Variants in PANK4 observed in about 807,000 individuals in gnomAD.
PANK4 encodes pantothenate kinase 4 (inactive).
A neutral mutation model predicts 87.9 loss-of-function variants in PANK4; 40 were observed. That is an observed-to-expected ratio of 0.46 (90% CI 0.35 to 0.59). The LOEUF is 0.59. Ranked by LOEUF, PANK4 falls within the 20% of genes least tolerant of loss-of-function variation. PANK4 has a pLI of 0.00. For missense variants in PANK4, 926 were observed against 1,072.3 expected (o/e 0.86, Z 1.90); for synonymous variants, 524 against 467.4 (o/e 1.12, Z -1.56).
chr1:2,509,954 G>GC lies in PANK4; in HGVS notation c.2040-25dup. 1 of 1,603,036 alleles carries GC rather than the reference G, an allele frequency of 6.2e-7. No individual in the cohort carries two copies. Among genetic ancestry groups the GC allele is most frequent in the Non-Finnish European group, 8.5e-7 (1 of 1,174,790 alleles). On this transcript the variant is annotated intron_variant, in intron 17 of 18. Coordinates refer to ENST00000378466, the MANE Select transcript of PANK4 (RefSeq NM_018216.4). The surrounding 1 kb of genome is among the most constrained non-coding windows in gnomAD (Gnocchi z 4.9). The stretch of plus-strand genomic sequence containing the variant: ...AGCTGCCAGATACAAGGTGGTCAGT[G>GC]CCCCCAGGAGCTCCCAGTTCAGTGA...
rs142638862 is a variant in PANK4 at position 2,518,190 on chromosome 1, G to T, written c.1192C>A (p.Pro398Thr). ...GLMSASPELG[P>T]AQRARSGTFD... ...GTGCCACTCCGCGCCCGCTGCGCCGGGCCGAGCTCGGGTGATGCACTCATC... is the reference window on the plus strand; with the variant it reads ...GTGCCACTCCGCGCCCGCTGCGCCGTGCCGAGCTCGGGTGATGCACTCATC... The change falls in exon 9 of 19, where the codon CCG becomes ACG. Residue 398 changes from proline (P) to threonine (T), a missense_variant. Physicochemically the swap from Pro to Thr is conservative, Grantham distance 38. Transcript: ENST00000378466. The T allele has an allele frequency of 2.1e-4, 344 of 1,609,590 alleles. No individual in the cohort carries two copies. Among genetic ancestry groups the T allele is most frequent in the Non-Finnish European group, 2.8e-4 (334 of 1,179,344 alleles).
At chr1:2,514,246 A>AC (rs1643717239) in intron 11 of PANK4, 108 bp downstream of exon 11, 1 of 1,120,884 alleles carries the variant, frequency 8.9e-7, no homozygotes, top group African/African-American at 1.5e-5. Context: ...GCCCACACCC[A>AC]CCCCCAGCGA....
Position 2,519,012 on chromosome 1 carries a change from G to T in PANK4, c.1035+131C>A. On this transcript the variant is annotated intron_variant, in intron 7 of 18. Transcript: ENST00000378466. This position sits in a 1 kb window ranked among gnomAD's most constrained non-coding sequence, Gnocchi z 8.3. ...GCTGCCCAGAATCAGTCAGAAGGGAGGGGTGCTGGGCTTCTTGGCCCCCAC... is the reference window on the plus strand; with the variant it reads ...GCTGCCCAGAATCAGTCAGAAGGGATGGGTGCTGGGCTTCTTGGCCCCCAC... 1.2e-6 allele frequency: 1 copy of T among 812,288 alleles called. No individual in the cohort carries two copies. The highest frequency in any genetic ancestry group is 2.0e-6 in the Non-Finnish European group (1 of 505,128). 50.3% of individuals were successfully genotyped at this position (812,288 alleles called of 1,614,324 possible).
chr1:2,514,302 G>A (rs1395766187), intron 11 of PANK4, 52 bp downstream of exon 11: 23 of 1,376,680 alleles, frequency 1.7e-5, no homozygotes, highest in Non-Finnish European at 2.3e-5. Context: ...CAGAGGTGCA[G>A]GGGCCCTCTG....
rs1305946705 is a variant in PANK4, at chr1:2,526,551, C to T, written c.37G>A (p.Gly13Arg). The change falls in exon 1 of 19, where the codon GGG becomes AGG. Residue 13 changes from glycine to arginine, a missense_variant. Coordinates refer to ENST00000378466, the MANE Select transcript of PANK4 (RefSeq NM_018216.4). Reference sequence around the variant, plus strand: ...GTGATGCTCTTGTCCAGACTGTCCCCGCTGCTCCCGCTGCCGCTCGCTCCA... The same window carrying T: ...GTGATGCTCTTGTCCAGACTGTCCCTGCTGCTCCCGCTGCCGCTCGCTCCA... The part of the protein sequence containing the change: ...ECGASGSGSS[G>R]DSLDKSITLP... 3.7e-6 allele frequency: 6 copies of T among 1,602,884 alleles called. No individual in the cohort carries two copies. The highest frequency in any genetic ancestry group is 3.4e-5 in the Admixed American group (2 of 59,116).
chr1:2,513,064 C>A (rs111415740), intron 12 of PANK4, 25 bp from the exon 13 acceptor site: 1 of 1,570,168 alleles, frequency 6.4e-7, no homozygotes, highest in Admixed American at 1.8e-5. Flanking sequence ...AGATGCCAGG[C>A]CTGAGTGAAG....
At chr1:2,516,431 A>T (rs879603019) in intron 9 of PANK4, among the ~76,000 whole-genome samples, 1 of 152,156 alleles carries the variant, frequency 6.6e-6, no homozygotes, top group African/African-American at 2.4e-5. Context: ...AAGTGAACTG[A>T]ACTGAGCCGA....
rs1352372981 is a variant in PANK4, at chr1:2,519,838, G to A, written c.816C>T (p.Ile272=). The A allele has an allele frequency of 4.4e-6, 7 of 1,579,424 alleles. No homozygotes were observed. The highest frequency in any genetic ancestry group is 1.8e-5 in the Admixed American group (1 of 55,166). ...HQTLGLSGNL[I]ASSFGKSATA... Reference sequence around the variant, plus strand: ...TGGCCGACTTCCCGAAGCTGCTGGCGATGAGGTTCCCGCTCAGCCCGAGAG... The same window carrying A: ...TGGCCGACTTCCCGAAGCTGCTGGCAATGAGGTTCCCGCTCAGCCCGAGAG... The change falls in exon 6 of 19, where the codon ATC becomes ATT. Residue 272 remains isoleucine, a synonymous_variant. Coordinates refer to ENST00000378466, the MANE Select transcript of PANK4 (RefSeq NM_018216.4). This position sits in a 1 kb window ranked among gnomAD's most constrained non-coding sequence, Gnocchi z 8.3.
Position 2,520,507 on chromosome 1 carries a change from C to T in PANK4, c.607-93G>A. ...CCCCATGTGCTGCGCTGGGGTGAACCCCGCCCCCACCCCAACCGCCAGTGG... is the reference window on the plus strand; with the variant it reads ...CCCCATGTGCTGCGCTGGGGTGAACTCCGCCCCCACCCCAACCGCCAGTGG... On this transcript the variant is annotated intron_variant, in intron 4 of 18. Coordinates refer to ENST00000378466, the MANE Select transcript of PANK4 (RefSeq NM_018216.4). This position sits in a 1 kb window ranked among gnomAD's most constrained non-coding sequence, Gnocchi z 6.2. The T allele has an allele frequency of 5.5e-6, 5 of 908,908 alleles. No individual in the cohort carries two copies. The highest frequency in any genetic ancestry group is 7.9e-6 in the Non-Finnish European group (5 of 634,486). The allele number at this position is 908,908 out of a possible 1,614,324, so 56.3% of individuals were successfully genotyped here.
At position 2,520,673 on chromosome 1, in the gene PANK4, CA is replaced by C. The variant is rs1214066061; in HGVS notation, c.606+49del. 9 of 1,561,658 alleles carry C rather than the reference CA, an allele frequency of 5.8e-6. No homozygotes were observed. Among genetic ancestry groups the C allele is most frequent in the Admixed American group, 1.7e-5 (1 of 57,736 alleles). On this transcript the variant is annotated intron_variant, in intron 4 of 18. Coordinates refer to ENST00000378466, the MANE Select transcript of PANK4 (RefSeq NM_018216.4). This position sits in a 1 kb window ranked among gnomAD's most constrained non-coding sequence, Gnocchi z 6.2. ...GCTCCTGCACACAGCGAGGGCTTAA[CA>C]AACTATGGCTAAACCATCCACTCAT...
Position 2,518,239 on chromosome 1 carries a change from C to T in PANK4, c.1143G>A (p.Glu381=), listed in dbSNP as rs1282451048. 1.9e-6 allele frequency: 3 copies of T among 1,612,002 alleles called. No individual in the cohort carries two copies. Among genetic ancestry groups the T allele is most frequent in the East Asian group, 4.5e-5 (2 of 44,882 alleles). ...TCAGCCCGGAGCTGCCTGCATAGTT[C>T]TCTCCCCAGCTGTACTGGTTAGGAT... ...QDNPNQYSWG[E]NYAGSSGLMS... The change falls in exon 9 of 19, where the codon GAG becomes GAA. Residue 381 remains glutamate, a synonymous_variant. Coordinates refer to ENST00000378466, the MANE Select transcript of PANK4 (RefSeq NM_018216.4).
chr1:2,510,183 T>C lies in PANK4; in HGVS notation c.1939-26A>G, dbSNP rs1345667353. 1 of 1,429,172 alleles carries C rather than the reference T, an allele frequency of 7.0e-7. No homozygotes were observed. Among genetic ancestry groups the C allele is most frequent in the Non-Finnish European group, 9.7e-7 (1 of 1,027,816 alleles). 88.5% of individuals were successfully genotyped at this position (1,429,172 alleles called of 1,614,324 possible). ...CTGCAGGAGGAGGGCCCAGGCTCTT[T>C]AGGAACCTGTGCTGGCCCAGCATGG... On this transcript the variant is annotated intron_variant, in intron 16 of 18. Transcript: ENST00000378466. The surrounding 1 kb of genome is among the most constrained non-coding windows in gnomAD (Gnocchi z 4.9).
intron 2 of PANK4, 180 bp downstream of exon 2, chr1:2,521,538 T>C: frequency 1.4e-6 from 1 of 715,228 alleles, no homozygotes; most frequent in Non-Finnish European, 2.5e-6. Context: ...CGGGCGCAGG[T>C]TCCTACAAAG....
Position 2,520,880 on chromosome 1 carries a change from C to T in PANK4, c.449G>A (p.Cys150Tyr). The T allele has an allele frequency of 6.4e-7, 1 of 1,558,690 alleles. No individual in the cohort carries two copies. Among genetic ancestry groups the T allele is most frequent in the South Asian group, 1.2e-5 (1 of 81,432 alleles). Residue 150 changes from cysteine to tyrosine, a missense_variant, in exon 4 of 19, where the codon TGC (cysteine) becomes TAC (tyrosine). Cys to Tyr is a radical substitution (Grantham distance 194, BLOSUM62 -2). Coordinates refer to ENST00000378466, the MANE Select transcript of PANK4 (RefSeq NM_018216.4). The surrounding 1 kb of genome is among the most constrained non-coding windows in gnomAD (Gnocchi z 6.2). ...LKVDKEDVMT[C>Y]LIKGCNFVLK... is the part of the protein sequence containing the mutation. ...CACGAAGTTGCACCCCTTAATCAGG[C>T]ACGTCATCACGTCCTCCTTGTCGAC...
In PANK4 at chr1:2,510,439, C is replaced by T. The variant is rs1055419735; in HGVS notation, c.1938+239G>A. The T allele has an allele frequency of 4.5e-5, 27 of 596,854 alleles. 1 individual carries two copies. The highest frequency in any genetic ancestry group is 4.4e-4 in the Middle Eastern group (1 of 2,260). The allele number at this position is 596,854 out of a possible 1,614,324, so 37.0% of individuals were successfully genotyped here. The stretch of plus-strand genomic sequence containing the variant: ...AAGCCTCCTTGCTGTGAGCACCCTT[C>T]CAGGAGCCTGGCGTCAACCCTGGGC... On this transcript the variant is annotated intron_variant, in intron 16 of 18. Coordinates refer to ENST00000378466, the MANE Select transcript of PANK4 (RefSeq NM_018216.4). The surrounding 1 kb of genome is among the most constrained non-coding windows in gnomAD (Gnocchi z 4.9).
At position 2,508,699 on chromosome 1, in the gene PANK4, T is replaced by C. The variant is rs539453805; in HGVS notation, c.*148A>G. Reference sequence around the variant, plus strand: ...CCAGGACAAAGCTGCGTCTCGCCTCTGGGTCACACGCATCTGTGCGGCTGG... The same window carrying C: ...CCAGGACAAAGCTGCGTCTCGCCTCCGGGTCACACGCATCTGTGCGGCTGG... On this transcript the variant is annotated 3_prime_UTR_variant, in exon 19 of 19. Transcript: ENST00000378466. The surrounding 1 kb of genome is among the most constrained non-coding windows in gnomAD (Gnocchi z 5.1). The C allele has an allele frequency of 1.3e-5, 8 of 603,296 alleles. No homozygotes were observed. Among genetic ancestry groups the C allele is most frequent in the Middle Eastern group, 2.9e-4 (1 of 3,428 alleles). 37.4% of individuals were successfully genotyped at this position (603,296 alleles called of 1,614,324 possible).
In PANK4 at chr1:2,519,781, G is replaced by GC. The variant is rs1643855790; in HGVS notation, c.853+19dup. 6.4e-7 allele frequency: 1 copy of GC among 1,556,844 alleles called. No homozygotes were observed. Among genetic ancestry groups the GC allele is most frequent in the African/African-American group, 1.4e-5 (1 of 73,974 alleles). On this transcript the variant is annotated intron_variant, in intron 6 of 18. Coordinates refer to ENST00000378466, the MANE Select transcript of PANK4 (RefSeq NM_018216.4). This position sits in a 1 kb window ranked among gnomAD's most constrained non-coding sequence, Gnocchi z 8.3. ...GTCCCCACCATCCTGCTCTCTGGCG[G>GC]CAGAGGCCGGGGTGAGCACCTTGGT...
In PANK4 at chr1:2,515,782, A is replaced by G. The variant is rs1197852030; in HGVS notation, c.1219-65T>C. ...GTTCAGAACGACCCAAGCCACACTC[A>G]GAAGCTTCCACTCTCTCTCTAAGAA... On this transcript the variant is annotated intron_variant, in intron 9 of 18. Transcript: ENST00000378466. The surrounding 1 kb of genome is among the most constrained non-coding windows in gnomAD (Gnocchi z 5.0). 2.7e-6 allele frequency: 4 copies of G among 1,455,042 alleles called. No individual in the cohort carries two copies. Among genetic ancestry groups the G allele is most frequent in the South Asian group, 2.4e-5 (2 of 83,300 alleles). 90.1% of individuals were successfully genotyped at this position (1,455,042 alleles called of 1,614,324 possible). A position where few individuals can be genotyped will look rare whatever the true frequency, so the allele number is the denominator to read the frequency against.
intron 13 of PANK4, 56 bp downstream of exon 13, chr1:2,512,832 G>C (rs1643685763): frequency 6.3e-7 from 1 of 1,578,866 alleles, no homozygotes; most frequent in East Asian, 2.3e-5. Context: ...CGCAAGCCTG[G>C]GGCAGGACAG....
Sources: allele counts gnomAD v4.1 joint callset (sites outside exome capture counted in the v4.1 genomes callset), GRCh38; gene constraint gnomAD v4.1.1; non-coding constraint Gnocchi (gnomAD v3.1); transcripts MANE v1.5; gene names NCBI Gene and HGNC (gene_info 2026-07-23, HGNC 2026-07-21).